The following CLMP variants were observed in gnomAD, a reference collection of about 807,000 sequenced individuals.
The protein encoded by CLMP is CXADR like cell adhesion molecule.
A neutral mutation model predicts 45.2 loss-of-function variants in CLMP; 27 were observed. That is an observed-to-expected ratio of 0.60 (90% CI 0.44 to 0.82). The LOEUF (loss-of-function observed/expected upper bound fraction) is 0.82. Among genes scored for constraint, CLMP ranks in the 40% least tolerant of loss-of-function variants. The probability of loss-of-function intolerance (pLI) is 0.00; values close to 1 mark genes in which losing one functional copy is unlikely to be tolerated. For missense variants in CLMP, 403 were observed against 448.4 expected (o/e 0.90, Z 0.91); for synonymous variants, 167 against 171.4 (o/e 0.97, Z 0.20).
intron 1 of CLMP, among the ~76,000 whole-genome samples, chr11:123,108,539 CTT>C (rs1473556269): frequency 1.3e-5 from 2 of 152,044 alleles, no homozygotes; most frequent in Non-Finnish European, 2.9e-5. Context: ...CTTCTACCTC[CTT>C]CCCAGCCTGT....
At chr11:123,137,700 C>A (rs908137319) in intron 1 of CLMP, among the ~76,000 whole-genome samples, 1 of 152,028 alleles carries the variant, frequency 6.6e-6, no homozygotes, top group Non-Finnish European at 1.5e-5. Context: ...AAACCTCTCT[C>A]GAAGGCGGCC....
At chr11:123,158,054 A>G (rs1182392264) in intron 1 of CLMP, among the ~76,000 whole-genome samples, 1 of 152,084 alleles carries the variant, frequency 6.6e-6, no homozygotes, top group Non-Finnish European at 1.5e-5. Flanking sequence ...ACATTACTCA[A>G]TCCACCCGAA....
intron 5 of CLMP, among the ~76,000 whole-genome samples, chr11:123,080,991 C>G (rs1269828441): frequency 6.6e-6 from 1 of 151,728 alleles, no homozygotes; most frequent in African/African-American, 2.4e-5. Flanking sequence ...ACTAAAAATA[C>G]AAGAATTAGC....
chr11:123,159,495 T>C (rs1861457307), intron 1 of CLMP, among the ~76,000 whole-genome samples: 1 of 152,352 alleles, frequency 6.6e-6, no homozygotes, highest in East Asian at 1.9e-4. Flanking sequence ...AGCATCTGAA[T>C]GAGAACATGA....
intron 2 of CLMP, among the ~76,000 whole-genome samples, chr11:123,089,787 AAAAAAAG>A (rs1434827223): frequency 2.2e-5 from 3 of 138,610 alleles, no homozygotes; most frequent in Non-Finnish European, 3.1e-5. Flanking sequence ...AAAAAAAAAA[AAAAAAAG>A]AAAAAGAAAA....
intron 1 of CLMP, among the ~76,000 whole-genome samples, chr11:123,106,424 TGC>T (rs71057332): frequency 0.18 from 15,853 of 90,018 alleles, 969 homozygotes; most frequent in Non-Finnish European, 0.22. Flanking sequence ...TGTGTGTGTG[TGC>T]GCGCGCGCGC....
Position 123,103,720 on chromosome 11 carries a change from T to C in CLMP, c.29-5768A>G, listed in dbSNP as rs78031809. Among the ~76,000 whole-genome samples, 139 of 152,042 alleles carry C rather than the reference T, an allele frequency of 9.1e-4. 3 individuals are homozygous for C. The highest frequency in any genetic ancestry group is 3.2e-3 in the African/African-American group (133 of 41,502). ...TTTTTTTTTCTTTCTTTCTTTCTTT[T>C]TTTTTACATTAAAGCTTTTACATTT... On this transcript the variant is annotated intron_variant, in intron 1 of 6. Coordinates refer to ENST00000448775, the MANE Select transcript of CLMP (RefSeq NM_024769.5).
intron 1 of CLMP, among the ~76,000 whole-genome samples, chr11:123,143,385 T>C (rs1201971348): frequency 2.6e-5 from 4 of 152,166 alleles, no homozygotes; most frequent in Non-Finnish European, 5.9e-5. Flanking sequence ...TTTCAACCAA[T>C]AGAATATGGC....
chr11:123,125,387 T>C lies in CLMP; in HGVS notation c.29-27435A>G, dbSNP rs370104740. On this transcript the variant is annotated intron_variant, in intron 1 of 6. Coordinates refer to ENST00000448775, the MANE Select transcript of CLMP (RefSeq NM_024769.5). Reference sequence around the variant, plus strand: ...GCCTACAAGATCAAGAGGAGACTCCTGCATGAACACTCAAGGTTCTTCAGG... The same window carrying C: ...GCCTACAAGATCAAGAGGAGACTCCCGCATGAACACTCAAGGTTCTTCAGG... Among the ~76,000 whole-genome samples the C allele has an allele frequency of 6.3e-4, 96 of 152,106 alleles. 1 individual carries two copies. In the East Asian group the frequency reaches 0.012, roughly 20 times the overall value.
chr11:123,091,229 C>T (rs369707153), intron 2 of CLMP, among the ~76,000 whole-genome samples: 23 of 152,120 alleles, frequency 1.5e-4, no homozygotes, highest in East Asian at 7.7e-4. Flanking sequence ...CTCAGCCTCC[C>T]GTGTAGCTGG....
chr11:123,100,988 G>A (rs114058814), intron 1 of CLMP, among the ~76,000 whole-genome samples: 3,269 of 152,110 alleles, frequency 0.021, 91 homozygotes, highest in African/African-American at 0.074. Flanking sequence ...ATACCTTGGG[G>A]AACAAGTGGG....
intron 1 of CLMP, among the ~76,000 whole-genome samples, chr11:123,148,934 C>T (rs939833327): frequency 6.6e-6 from 1 of 152,234 alleles, no homozygotes; most frequent in South Asian, 2.1e-4. Flanking sequence ...ACATCAAATG[C>T]TACCTCTACC....
intron 1 of CLMP, among the ~76,000 whole-genome samples, chr11:123,131,123 G>A (rs1445777964): frequency 2.0e-5 from 3 of 152,068 alleles, no homozygotes; most frequent in Admixed American, 6.6e-5. Context: ...GATTACAGGC[G>A]TGAGCCACCG....
chr11:123,125,803 A>G lies in CLMP; in HGVS notation c.29-27851T>C, dbSNP rs187695747. Reference sequence around the variant, plus strand: ...GTATTTTTAGTAGAGACGGGGTTTCACCGTGTTGGCCAGGCTGGTCTCAAA... The same window carrying G: ...GTATTTTTAGTAGAGACGGGGTTTCGCCGTGTTGGCCAGGCTGGTCTCAAA... On this transcript the variant is annotated intron_variant, in intron 1 of 6. Transcript: ENST00000448775. Among the ~76,000 whole-genome samples, 263 of 151,418 alleles carry G rather than the reference A, an allele frequency of 1.7e-3. 3 individuals carry two copies. Among genetic ancestry groups the G allele is most frequent in the African/African-American group, 6.1e-3 (253 of 41,240 alleles).
intron 1 of CLMP, among the ~76,000 whole-genome samples, chr11:123,142,969 C>T (rs1861186511): frequency 6.6e-6 from 1 of 152,140 alleles, no homozygotes; most frequent in Non-Finnish European, 1.5e-5. Flanking sequence ...TAGACATGAG[C>T]CCATGATTTC....
At position 123,194,922 on chromosome 11, in the gene CLMP, GGAGAAGGA is replaced by G. The variant is rs761506052; in HGVS notation, c.11_18del (p.Leu4ProfsTer16). 1 of 1,613,192 alleles carries G rather than the reference GGAGAAGGA, an allele frequency of 6.2e-7. No individual in the cohort carries two copies. The highest frequency in any genetic ancestry group is 8.5e-7 in the Non-Finnish European group (1 of 1,179,614). ...TCCCAGAGGCACTCACCTAGCAAGA[GGAGAAGGA>G]GGAGGGACATCCCGATCCCCGGACG... On this transcript the variant is annotated frameshift_variant, in exon 1 of 7. Transcript: ENST00000448775.
intron 2 of CLMP, among the ~76,000 whole-genome samples, chr11:123,093,169 G>A (rs573029457): frequency 6.7e-4 from 102 of 151,858 alleles, no homozygotes; most frequent in African/African-American, 2.4e-3. Context: ...GCCTCCCAAA[G>A]TGCTGGAATT....
rs530418163 is a variant in CLMP, at chr11:123,086,650, G to C, written c.187-1937C>G. ...CCTAGCACTCAAGGGAAAGCCCTCT[G>C]CTTTAGGCACAGATGGGGAAGAGCT... On this transcript the variant is annotated intron_variant, in intron 2 of 6. Coordinates refer to ENST00000448775, the MANE Select transcript of CLMP (RefSeq NM_024769.5). Among the ~76,000 whole-genome samples, 6 of 152,330 alleles carry C rather than the reference G, an allele frequency of 3.9e-5. No homozygotes were observed. In the South Asian group the frequency reaches 6.2e-4, roughly 16 times the overall value.
Position 123,074,963 on chromosome 11 carries a change from T to TG in CLMP, c.680-121_680-120insC, listed in dbSNP as rs201836155. Reference sequence around the variant, plus strand: ...ATTTGCAGGTTTGTTTGTTTTGTTTTTTTTTTTTTGAGACGGAGTTTCACT... The same window carrying TG: ...ATTTGCAGGTTTGTTTGTTTTGTTTTGTTTTTTTTTGAGACGGAGTTTCACT... On this transcript the variant is annotated intron_variant, in intron 5 of 6. Coordinates refer to ENST00000448775, the MANE Select transcript of CLMP (RefSeq NM_024769.5). 6.4e-5 allele frequency: 80 copies of TG among 1,254,374 alleles called. No individual in the cohort carries two copies. The East Asian group carries it at 1.7e-3, about 27-fold the overall frequency. The allele number at this position is 1,254,374 out of a possible 1,614,324, so 77.7% of individuals were successfully genotyped here.
Sources: gnomAD v4.1 joint callset for allele counts (sites outside exome capture counted in the v4.1 genomes callset) on GRCh38, gnomAD v4.1.1 for gene constraint, MANE v1.5 for transcripts, NCBI Gene and HGNC (gene_info 2026-07-23, HGNC 2026-07-21) for gene names.